SULT6B1: variants seen among roughly 807,000 people sequenced by gnomAD.
The protein encoded by SULT6B1 is sulfotransferase family 6B member 1.
Under a neutral mutation model 37.2 loss-of-function variants are expected in SULT6B1, and 44 were observed. The observed-to-expected ratio is 1.18, with a 90% CI of 0.93 to 1.52. The LOEUF is 1.52. SULT6B1 is among the 40% of genes most tolerant of loss of function. The pLI is 0.00. For missense variants in SULT6B1, 450 were observed against 361.0 expected, an observed-to-expected ratio of 1.25 and a Z score of -2.00; for synonymous variants, 140 against 126.0, an observed-to-expected ratio of 1.11 and a Z score of -0.74.
chr2:37,183,470 G>A lies in SULT6B1; in HGVS notation c.357C>T (p.Leu119=). Residue 119 remains leucine (L), a synonymous_variant, in exon 3 of 7, where the codon CTC becomes CTT. Transcript: ENST00000535679. ...TAGACCCAGGTAATTTGTCATAGTG[G>A]AGGTGAGTTGCCAAAATCCTTGGTG... ...FPSPRILATH[L]HYDKLPGSIF... is the part of the protein sequence containing the mutation. 1 of 1,614,134 alleles carries A rather than the reference G, an allele frequency of 6.2e-7. No individual in the cohort carries two copies. The highest frequency in any genetic ancestry group is 8.5e-7 in the Non-Finnish European group (1 of 1,180,008).
intron 2 of SULT6B1, among the ~76,000 whole-genome samples, chr2:37,185,960 C>A (rs942305721): frequency 6.6e-6 from 1 of 152,082 alleles, no homozygotes; most frequent in East Asian, 1.9e-4. Context: ...GGCTTTGGTA[C>A]AGGTGACCCT....
At chr2:37,181,738 C>T (rs1479841751) in intron 3 of SULT6B1, among the ~76,000 whole-genome samples, 1 of 152,118 alleles carries the variant, frequency 6.6e-6, no homozygotes. Flanking sequence ...TGTTCAAAAG[C>T]CTGCGTGCCC....
chr2:37,187,970 C>T (rs555655563), intron 1 of SULT6B1, among the ~76,000 whole-genome samples: 105 of 152,182 alleles, frequency 6.9e-4, no homozygotes, highest in African/African-American at 2.3e-3. Flanking sequence ...TCTTATTTTC[C>T]GTTGATGAAG....
chr2:37,168,133 C>T, intron 6 of SULT6B1, 68 bp from the exon 7 acceptor site: 1 of 1,434,420 alleles, frequency 7.0e-7, no homozygotes, highest in South Asian at 1.4e-5. Flanking sequence ...TTACCATTTT[C>T]AGTGCAATAT....
upstream of SULT6B1, among the ~76,000 whole-genome samples, chr2:37,191,593 G>A (rs763406850): frequency 1.3e-5 from 2 of 152,232 alleles, no homozygotes; most frequent in African/African-American, 4.8e-5. Context: ...CAAGAAGAAT[G>A]AGGTTATGCT....
intron 1 of SULT6B1, among the ~76,000 whole-genome samples, 172 bp from the exon 2 acceptor site, chr2:37,187,639 G>A (rs1222747101): frequency 6.6e-6 from 1 of 152,180 alleles, no homozygotes; most frequent in East Asian, 1.9e-4. Context: ...TGGTTTGATT[G>A]AAAACAGCAT....
At chr2:37,173,772 T>C (rs1446871284) in intron 5 of SULT6B1, among the ~76,000 whole-genome samples, 1 of 152,230 alleles carries the variant, frequency 6.6e-6, no homozygotes, top group Non-Finnish European at 1.5e-5. Flanking sequence ...TTCTCATCCC[T>C]GCATGGCCCC....
In SULT6B1 at chr2:37,184,746, C is replaced by A. The variant is rs574880712; in HGVS notation, c.313-1232G>T. Among the ~76,000 whole-genome samples the A allele has an allele frequency of 1.6e-4, 24 of 152,070 alleles. 1 individual carries two copies. In the South Asian group the frequency reaches 4.8e-3, roughly 30 times the overall value. On this transcript the variant is annotated intron_variant, in intron 2 of 6. Transcript: ENST00000535679. ...ACTCAGGAGGCTGAGGCAGGAGAAT[C>A]ACTTGAACCCGGGAGGCGGATGTTG...
intron 1 of SULT6B1, among the ~76,000 whole-genome samples, chr2:37,195,084 G>C (rs1357911557): frequency 6.6e-6 from 1 of 151,994 alleles, no homozygotes; most frequent in East Asian, 1.9e-4. Flanking sequence ...CGAATAGCTG[G>C]GATTACAGGC....
chr2:37,169,753 A>G (rs1676255997), intron 6 of SULT6B1, among the ~76,000 whole-genome samples: 1 of 152,202 alleles, frequency 6.6e-6, no homozygotes, highest in Admixed American at 6.5e-5. Context: ...TCGGCCTCCC[A>G]AAGTGCTGGG....
chr2:37,182,898 T>G (rs1676586661), intron 3 of SULT6B1, among the ~76,000 whole-genome samples: 1 of 152,182 alleles, frequency 6.6e-6, no homozygotes, highest in Admixed American at 6.5e-5. Flanking sequence ...TAAAATAGTT[T>G]CAGCGAGGCA....
upstream of SULT6B1, among the ~76,000 whole-genome samples, chr2:37,189,714 T>C (rs775029911): frequency 6.6e-6 from 1 of 152,182 alleles, no homozygotes; most frequent in Non-Finnish European, 1.5e-5. Flanking sequence ...GGGAAGGTGC[T>C]TCTCCCTGGA....
Position 37,187,485 on chromosome 2 carries a change from G to T in SULT6B1, c.200-18C>A. 1 of 1,477,852 alleles carries T rather than the reference G, an allele frequency of 6.8e-7. No individual in the cohort carries two copies. The highest frequency in any genetic ancestry group is 9.3e-7 in the Non-Finnish European group (1 of 1,073,662). The allele number at this position is 1,477,852 out of a possible 1,614,324, so 91.5% of individuals were successfully genotyped here. A position where few individuals can be genotyped will look rare whatever the true frequency, so the allele number is the denominator to read the frequency against. On this transcript the variant is annotated intron_variant, in intron 1 of 6. Coordinates refer to ENST00000535679, the MANE Select transcript of SULT6B1 (RefSeq NM_001367551.1). Reference sequence around the variant, plus strand: ...GTTTGAACCTATCAGAAAAATCAGAGAATAAAAACTCATTACGGAGTCTTG... The same window carrying T: ...GTTTGAACCTATCAGAAAAATCAGATAATAAAAACTCATTACGGAGTCTTG...
intron 4 of SULT6B1, among the ~76,000 whole-genome samples, chr2:37,177,204 G>C (rs925534243): frequency 6.6e-6 from 1 of 151,854 alleles, no homozygotes; most frequent in Admixed American, 6.6e-5. Flanking sequence ...ACCAAAATAA[G>C]CTAGACACAA....
upstream of SULT6B1, among the ~76,000 whole-genome samples, chr2:37,190,151 C>A (rs1000427069): frequency 6.6e-6 from 1 of 152,190 alleles, no homozygotes; most frequent in Non-Finnish European, 1.5e-5. Context: ...AGCAGTTTAG[C>A]CTATATCCTA....
intron 5 of SULT6B1, among the ~76,000 whole-genome samples, chr2:37,173,250 CT>C (rs1444199459): frequency 3.3e-5 from 5 of 152,152 alleles, no homozygotes; most frequent in Non-Finnish European, 5.9e-5. Flanking sequence ...CTTTAACATG[CT>C]TTCTCCACAG....
intron 3 of SULT6B1, among the ~76,000 whole-genome samples, chr2:37,181,242 T>C (rs1676543268): frequency 6.6e-6 from 1 of 152,204 alleles, no homozygotes; most frequent in South Asian, 2.1e-4. Context: ...GCTTTATATT[T>C]GAGGCTTTAA....
Position 37,175,119 on chromosome 2 carries a change from A to G in SULT6B1, c.624+13T>C, listed in dbSNP as rs372713268. ...CAATAAATTTTGCTCTAAAATATCA[A>G]TAATAATCTCACCTCTTTCAGGTCT... On this transcript the variant is annotated intron_variant, in intron 5 of 6. Transcript: ENST00000535679. The G allele has an allele frequency of 9.3e-6, 14 of 1,503,884 alleles. No homozygotes were observed. The African/African-American group carries it at 9.8e-5, about 10-fold the overall frequency. The allele number at this position is 1,503,884 out of a possible 1,614,324, so 93.2% of individuals were successfully genotyped here. A position where few individuals can be genotyped will look rare whatever the true frequency, so the allele number is the denominator to read the frequency against.
chr2:37,183,573 T>TGTGTGTGTGTG, intron 2 of SULT6B1, 59 bp from the exon 3 acceptor site: 1 of 1,268,106 alleles, frequency 7.9e-7, no homozygotes, highest in Non-Finnish European at 1.2e-6. Flanking sequence ...TGTGTGTGTG[T>TGTGTGTGTGTG]TGAATCACTC....
Sources: allele counts gnomAD v4.1 joint callset (sites outside exome capture counted in the v4.1 genomes callset), GRCh38; gene constraint gnomAD v4.1.1; transcripts MANE v1.5; gene names NCBI Gene and HGNC (gene_info 2026-07-23, HGNC 2026-07-21).